AFTPH: variants seen among roughly 807,000 people sequenced by gnomAD.
AFTPH encodes aftiphilin.
A neutral mutation model predicts 72.5 loss-of-function variants in AFTPH; 7 were observed. The observed-to-expected ratio is 0.10, with a 90% confidence interval of 0.05 to 0.18. The LOEUF is 0.18. Ranked by LOEUF, AFTPH falls within the 10% of genes least tolerant of loss-of-function variation. AFTPH has a pLI of 1.00. For missense variants in AFTPH, 979 were observed against 1,060.5 expected, an observed-to-expected ratio of 0.92 and a Z score of 1.07; for synonymous variants, 337 against 370.1, an observed-to-expected ratio of 0.91 and a Z score of 1.03.
intron 7 of AFTPH, among the ~76,000 whole-genome samples, chr2:64,581,548 T>C (rs1673199546): frequency 6.6e-6 from 1 of 152,218 alleles, no homozygotes; most frequent in Non-Finnish European, 1.5e-5. Flanking sequence ...GCTGTTGGTT[T>C]TTTTTTCCTC....
chr2:64,524,840 C>T (rs1390681574), intron 1 of AFTPH, among the ~76,000 whole-genome samples: 4 of 152,352 alleles, frequency 2.6e-5, no homozygotes, highest in Admixed American at 1.3e-4. Flanking sequence ...ACGGCCCCCT[C>T]CTCGCCATCC....
chr2:64,551,318 GA>G, intron 1 of AFTPH, 124 bp from the exon 2 acceptor site: 3 of 746,374 alleles, frequency 4.0e-6, no homozygotes, highest in Non-Finnish European at 4.2e-6. Context: ...CATGGTCAAG[GA>G]AAAAAGGAGA....
chr2:64,572,766 T>A (rs572206268), intron 5 of AFTPH, among the ~76,000 whole-genome samples, 180 bp from the exon 6 acceptor site: 18 of 151,690 alleles, frequency 1.2e-4, no homozygotes, highest in Admixed American at 1.2e-3. Flanking sequence ...CCAGGGAGAT[T>A]GAGGCCAGCC....
At chr2:64,535,520 T>G (rs1669840522) in intron 1 of AFTPH, among the ~76,000 whole-genome samples, 2 of 152,238 alleles carry the variant, frequency 1.3e-5, no homozygotes, top group Non-Finnish European at 2.9e-5. Context: ...ACTTATTCTT[T>G]GTGGGACCGT....
intron 2 of AFTPH, among the ~76,000 whole-genome samples, chr2:64,561,763 A>T (rs1382084739): frequency 1.3e-5 from 2 of 152,240 alleles, no homozygotes; most frequent in African/African-American, 4.8e-5. Context: ...AATATTTAGT[A>T]TGCTAAGTGT....
chr2:64,534,742 GTTTTT>G (rs70937351), intron 1 of AFTPH, among the ~76,000 whole-genome samples: 2 of 140,028 alleles, frequency 1.4e-5, no homozygotes, highest in Admixed American at 1.4e-4. Flanking sequence ...CTTTAAGCTT[GTTTTT>G]TTTTTTTTTC....
intron 1 of AFTPH, among the ~76,000 whole-genome samples, chr2:64,545,129 T>C (rs1420222574): frequency 6.6e-6 from 1 of 151,962 alleles, no homozygotes; most frequent in African/African-American, 2.4e-5. Context: ...AGTAAAAGTT[T>C]TGGAAAAAAG....
At chr2:64,577,303 A>T (rs1173168333) in intron 6 of AFTPH, among the ~76,000 whole-genome samples, 1 of 152,054 alleles carries the variant, frequency 6.6e-6, no homozygotes, top group South Asian at 2.1e-4. Context: ...ACTTGTGAAC[A>T]TCATTAGTTT....
intron 6 of AFTPH, among the ~76,000 whole-genome samples, chr2:64,575,104 CA>C (rs2104119550): frequency 6.9e-6 from 1 of 144,296 alleles, no homozygotes; most frequent in African/African-American, 2.5e-5. Context: ...CTTATTGTAT[CA>C]GTTAGCTGTT....
intron 1 of AFTPH, among the ~76,000 whole-genome samples, chr2:64,528,717 G>A (rs1176442144): frequency 1.3e-5 from 2 of 152,098 alleles, no homozygotes; most frequent in African/African-American, 4.8e-5. Flanking sequence ...AGAGAAGTCT[G>A]GGGTGGATAG....
chr2:64,544,893 T>C (rs1670471040), intron 1 of AFTPH, among the ~76,000 whole-genome samples: 3 of 152,258 alleles, frequency 2.0e-5, no homozygotes, highest in East Asian at 3.9e-4. Context: ...TCGCCATCAA[T>C]TGGTGACCCC....
At chr2:64,582,582 A>C (rs1673272562) in intron 7 of AFTPH, among the ~76,000 whole-genome samples, 2 of 152,182 alleles carry the variant, frequency 1.3e-5, no homozygotes, top group Non-Finnish European at 1.5e-5. Context: ...CTGTGCAGTG[A>C]CCTGGGTGAG....
chr2:64,545,267 A>T (rs1171401101), intron 1 of AFTPH, among the ~76,000 whole-genome samples: 1 of 152,096 alleles, frequency 6.6e-6, no homozygotes, highest in Non-Finnish European at 1.5e-5. Flanking sequence ...TTTTTACATA[A>T]CTAAACATGT....
chr2:64,583,158 C>T (rs1282967838), intron 7 of AFTPH, among the ~76,000 whole-genome samples: 1 of 152,008 alleles, frequency 6.6e-6, no homozygotes, highest in African/African-American at 2.4e-5. Context: ...TCCATTTCAT[C>T]ACTTGCTTGC....
At chr2:64,588,058 A>C (rs1002224995) in intron 8 of AFTPH, among the ~76,000 whole-genome samples, 1 of 152,118 alleles carries the variant, frequency 6.6e-6, no homozygotes, top group Non-Finnish European at 1.5e-5. Context: ...TAATTCCAAA[A>C]CATTTTTATC....
In AFTPH at chr2:64,581,237, G is replaced by A. The variant is rs1338636989; in HGVS notation, c.2455+1691G>A. On this transcript the variant is annotated intron_variant, in intron 7 of 8. Transcript: ENST00000238856. The stretch of plus-strand genomic sequence containing the variant: ...GAACCTTGATTTCTTTGGGCCCGTG[G>A]ATGACAGTAGCTCTAGCAGCAGCAC... 9 of 1,601,408 alleles carry A rather than the reference G, an allele frequency of 5.6e-6. No individual in the cohort carries two copies. Among genetic ancestry groups the A allele is most frequent in the African/African-American group, 1.3e-5 (1 of 74,606 alleles).
At chr2:64,548,744 G>A (rs1457909272) in intron 1 of AFTPH, among the ~76,000 whole-genome samples, 2 of 151,884 alleles carry the variant, frequency 1.3e-5, no homozygotes, top group African/African-American at 4.8e-5. Flanking sequence ...AATTAGAAGG[G>A]GTTATCAGGA....
chr2:64,582,474 C>T (rs779007655), intron 7 of AFTPH, among the ~76,000 whole-genome samples: 16 of 152,132 alleles, frequency 1.1e-4, no homozygotes, highest in Non-Finnish European at 1.3e-4. Context: ...TTACTGTTTT[C>T]AAGATTTTGC....
intron 1 of AFTPH, among the ~76,000 whole-genome samples, chr2:64,546,220 CAA>C (rs1415229443): frequency 6.6e-6 from 1 of 151,592 alleles, no homozygotes. Context: ...AACAATTTAA[CAA>C]AGTCTGCGAA....
Sources: allele counts gnomAD v4.1 joint callset (sites outside exome capture counted in the v4.1 genomes callset), GRCh38; gene constraint gnomAD v4.1.1; transcripts MANE v1.5; gene names NCBI Gene and HGNC (gene_info 2026-07-23, HGNC 2026-07-21).